Variants in PCBP3 observed in about 807,000 individuals in gnomAD.
PCBP3 encodes poly(rC) binding protein 3.
In PCBP3, 25 loss-of-function variants were observed where a neutral mutation model predicts 52.7. The ratio of observed to expected loss-of-function variants is 0.47; its 90% confidence interval spans 0.35 to 0.66. The LOEUF (loss-of-function observed/expected upper bound fraction) is 0.66, where lower values mean the gene tolerates loss of function less well. PCBP3 is among the 30% of genes least tolerant of loss of function. The pLI is 0.01. For missense variants in PCBP3, 391 were observed against 490.3 expected, an observed-to-expected ratio of 0.80 and a Z score of 1.91; for synonymous variants, 162 against 183.0, an observed-to-expected ratio of 0.89 and a Z score of 0.93.
intron 5 of PCBP3, among the ~76,000 whole-genome samples, chr21:45,881,920 T>G (rs2095414584): frequency 2.0e-5 from 3 of 152,232 alleles, no homozygotes; most frequent in African/African-American, 7.2e-5. Flanking sequence ...GTGTGACATT[T>G]TCTTTATCCG....
At chr21:45,801,081 A>G (rs1032342842) in intron 4 of PCBP3, among the ~76,000 whole-genome samples, 1 of 152,144 alleles carries the variant, frequency 6.6e-6, no homozygotes, top group East Asian at 1.9e-4. Flanking sequence ...CCATCATTCT[A>G]TCACCTGTGA....
At chr21:45,902,199 G>T (rs866919345) in intron 9 of PCBP3, among the ~76,000 whole-genome samples, 2 of 152,186 alleles carry the variant, frequency 1.3e-5, no homozygotes, top group Non-Finnish European at 2.9e-5. Flanking sequence ...GAGGGAAGCT[G>T]ACTGCCCAGA....
rs530056527 is a variant in PCBP3, at chr21:45,919,685, A to AT, written c.717+2057dup. ...GCTGTAGCTACATCAAGGACATCTC[A>AT]TCCTGGGGTCAGCTGTAGACACCAG... On this transcript the variant is annotated intron_variant, in intron 13 of 17. Coordinates refer to ENST00000681687, the MANE Select transcript of PCBP3 (RefSeq NM_001384156.1). 3.9e-5 allele frequency among the ~76,000 whole-genome samples: 6 copies of AT among 152,252 alleles called. 1 individual carries two copies. In the South Asian group the frequency reaches 1.0e-3, roughly 26 times the overall value.
At position 45,909,444 on chromosome 21, in the gene PCBP3, C is replaced by T; in HGVS notation, c.429C>T (p.Ser143=). The change falls in exon 10 of 18, where the codon TCC becomes TCT. Residue 143 remains serine, a synonymous_variant. Coordinates refer to ENST00000681687, the MANE Select transcript of PCBP3 (RefSeq NM_001384156.1). ...TGGTGCCTGCCAGCCAGTGTGGGTCCCTGATCGGCAAAGGAGGCTCCAAGA... is the reference window on the plus strand; with the variant it reads ...TGGTGCCTGCCAGCCAGTGTGGGTCTCTGATCGGCAAAGGAGGCTCCAAGA... ...RLVVPASQCG[S]LIGKGGSKIK... 1 of 1,613,488 alleles carries T rather than the reference C, an allele frequency of 6.2e-7. No homozygotes were observed. Among genetic ancestry groups the T allele is most frequent in the Non-Finnish European group, 8.5e-7 (1 of 1,179,806 alleles).
At chr21:45,833,074 A>G (rs1049396529) in intron 4 of PCBP3, among the ~76,000 whole-genome samples, 11 of 152,180 alleles carry the variant, frequency 7.2e-5, no homozygotes, top group African/African-American at 2.7e-4. Flanking sequence ...GCCAAACCAT[A>G]TCAGCAGCCA....
chr21:45,705,938 C>G (rs2083422431), intron 2 of PCBP3, among the ~76,000 whole-genome samples: 1 of 152,180 alleles, frequency 6.6e-6, no homozygotes, highest in Non-Finnish European at 1.5e-5. Context: ...CTTGTTGGGA[C>G]AGATCATTCT....
chr21:45,807,834 G>A (rs1437530938), intron 4 of PCBP3, among the ~76,000 whole-genome samples: 1 of 151,864 alleles, frequency 6.6e-6, no homozygotes, highest in Admixed American at 6.6e-5. Context: ...AAAACAGCAT[G>A]GTACCAAAAC....
intron 13 of PCBP3, chr21:45,919,492 A>C (rs2074093718): frequency 6.6e-6 from 1 of 152,248 alleles, no homozygotes; most frequent in African/African-American, 2.4e-5. Flanking sequence ...GCAATTTACT[A>C]TCATTGCAGG....
Position 45,895,098 on chromosome 21 carries a change from C to T in PCBP3, c.11-1110C>T, listed in dbSNP as rs2095791126. Among the ~76,000 whole-genome samples the T allele has an allele frequency of 2.0e-5, 3 of 152,224 alleles. No individual in the cohort carries two copies. The South Asian group carries it at 6.2e-4, about 32-fold the overall frequency. ...GAGGTGCATCCCTGGCTGTGGCTCC[C>T]GTCCACCCCCTGACACCTGTGGCTG... On this transcript the variant is annotated intron_variant, in intron 5 of 17. Coordinates refer to ENST00000681687, the MANE Select transcript of PCBP3 (RefSeq NM_001384156.1).
At chr21:45,680,985 G>A (rs1162896859) in intron 2 of PCBP3, among the ~76,000 whole-genome samples, 4 of 152,178 alleles carry the variant, frequency 2.6e-5, no homozygotes, top group Non-Finnish European at 4.4e-5. Flanking sequence ...TTGGTATTTG[G>A]TGAGAGCCTT....
chr21:45,932,741 G>A (rs1166494282), intron 15 of PCBP3, among the ~76,000 whole-genome samples: 2 of 150,918 alleles, frequency 1.3e-5, no homozygotes, highest in Non-Finnish European at 2.9e-5. Flanking sequence ...TGAGGTGGAT[G>A]AACACCTGGT....
At chr21:45,881,079 C>T (rs957838549) in intron 5 of PCBP3, among the ~76,000 whole-genome samples, 2 of 152,184 alleles carry the variant, frequency 1.3e-5, no homozygotes, top group Non-Finnish European at 2.9e-5. Context: ...TCAAGCTGAG[C>T]GAGTTCCCCT....
At chr21:45,832,060 C>A (rs563569029) in intron 4 of PCBP3, among the ~76,000 whole-genome samples, 2 of 152,290 alleles carry the variant, frequency 1.3e-5, no homozygotes, top group Admixed American at 6.5e-5. Flanking sequence ...CTACTTCATA[C>A]GCAGAGCAGC....
At chr21:45,785,157 C>CT (rs1160662721) in intron 4 of PCBP3, among the ~76,000 whole-genome samples, 1 of 151,408 alleles carries the variant, frequency 6.6e-6, no homozygotes, top group African/African-American at 2.4e-5. Context: ...ACCGCCCTGT[C>CT]TGAGAAGTGA....
intron 4 of PCBP3, among the ~76,000 whole-genome samples, chr21:45,808,516 G>C (rs531695276): frequency 2.0e-5 from 3 of 152,134 alleles, no homozygotes; most frequent in African/African-American, 7.2e-5. Context: ...TTAGAATGGC[G>C]ATCATTAAAA....
rs186735673 is a variant in PCBP3, at chr21:45,686,786, C to T, written c.-200+17834C>T. 1.3e-3 allele frequency among the ~76,000 whole-genome samples: 200 copies of T among 152,106 alleles called. 2 individuals carry two copies. The highest frequency in any genetic ancestry group is 4.3e-3 in the African/African-American group (180 of 41,500). On this transcript the variant is annotated intron_variant, in intron 2 of 17. Transcript: ENST00000681687. Reference sequence around the variant, plus strand: ...AAACTTTAATAAATGAAATTAACAGCTGATTAGATGTGTAGAAGAAAAACA... The same window carrying T: ...AAACTTTAATAAATGAAATTAACAGTTGATTAGATGTGTAGAAGAAAAACA...
chr21:45,920,822 A>G (rs762293854), intron 13 of PCBP3, among the ~76,000 whole-genome samples: 1 of 152,188 alleles, frequency 6.6e-6, no homozygotes, highest in South Asian at 2.1e-4. Context: ...ACCAGCCAGC[A>G]CTTTGATCTC....
Position 45,735,703 on chromosome 21 carries a change from A to G in PCBP3, c.-162+274A>G, listed in dbSNP as rs1223413031. Among the ~76,000 whole-genome samples, 1 of 152,302 alleles carries G rather than the reference A, an allele frequency of 6.6e-6. No homozygotes were observed. Among genetic ancestry groups the G allele is most frequent in the East Asian group, 1.9e-4 (1 of 5,184 alleles). The stretch of plus-strand genomic sequence containing the variant: ...CCTCCCTCTCTGGTAACCTTTCTCC[A>G]CAGTTAACCTGACCATGTAGACCAG... On this transcript the variant is annotated intron_variant, in intron 3 of 17. Transcript: ENST00000681687. This position sits in a 1 kb window ranked among gnomAD's most constrained non-coding sequence, Gnocchi z 4.0.
At chr21:45,823,494 A>G (rs1053482979) in intron 4 of PCBP3, among the ~76,000 whole-genome samples, 1 of 151,908 alleles carries the variant, frequency 6.6e-6, no homozygotes, top group African/African-American at 2.4e-5. Flanking sequence ...ATTCCCTTTC[A>G]TGTCCCGCAG....
Sources: gnomAD v4.1 joint callset for allele counts (sites outside exome capture counted in the v4.1 genomes callset) on GRCh38, gnomAD v4.1.1 for gene constraint, Gnocchi (gnomAD v3.1) non-coding constraint, MANE v1.5 for transcripts, NCBI Gene and HGNC (gene_info 2026-07-23, HGNC 2026-07-21) for gene names.